Variants in MAP3K13 observed in about 807,000 individuals in gnomAD.
MAP3K13 encodes mitogen-activated protein kinase kinase kinase 13, also known as leucine zipper-bearing kinase.
In MAP3K13, 52 loss-of-function variants were observed where a neutral mutation model predicts 104.0. The observed-to-expected ratio is 0.50, with a 90% CI of 0.40 to 0.63. MAP3K13 has a LOEUF of 0.63. MAP3K13 is among the 20% of genes least tolerant of loss of function. The pLI, the probability that MAP3K13 is intolerant of heterozygous loss-of-function variation, is 0.00. For synonymous variants in MAP3K13, 394 were observed against 442.2 expected, an observed-to-expected ratio of 0.89 and a Z score of 1.37; for missense variants, 914 against 1,218.5, an observed-to-expected ratio of 0.75 and a Z score of 3.72.
intron 2 of MAP3K13, among the ~76,000 whole-genome samples, chr3:185,311,017 T>G (rs1351563363): frequency 2.6e-5 from 4 of 152,232 alleles, no homozygotes; most frequent in African/African-American, 7.2e-5. Context: ...TCACTTTGAA[T>G]TAAGCTATTT....
At chr3:185,405,969 CG>C (rs2108781267) in intron 1 of MAP3K13, among the ~76,000 whole-genome samples, 1 of 152,280 alleles carries the variant, frequency 6.6e-6, no homozygotes, top group South Asian at 2.1e-4. Context: ...AGCTAGTTGA[CG>C]TCAGTTGATC....
At chr3:185,478,051 C>T (rs186626218) in intron 12 of MAP3K13, among the ~76,000 whole-genome samples, 5 of 152,230 alleles carry the variant, frequency 3.3e-5, no homozygotes, top group East Asian at 1.9e-4. Flanking sequence ...GAGCTTCAAC[C>T]GATGGATTTG....
At chr3:185,287,758 G>A (rs1720576596) in intron 2 of MAP3K13, among the ~76,000 whole-genome samples, 1 of 152,134 alleles carries the variant, frequency 6.6e-6, no homozygotes, top group Non-Finnish European at 1.5e-5. Context: ...TAGAATAAAA[G>A]AAGTTATAGG....
intron 2 of MAP3K13, among the ~76,000 whole-genome samples, chr3:185,288,904 A>G (rs1458698126): frequency 1.3e-5 from 2 of 152,156 alleles, no homozygotes; most frequent in Non-Finnish European, 2.9e-5. Context: ...TAGCATTCCA[A>G]TTGTTTATGA....
At chr3:185,424,362 T>C (rs975057670) in intron 1 of MAP3K13, among the ~76,000 whole-genome samples, 2 of 152,196 alleles carry the variant, frequency 1.3e-5, no homozygotes, top group Non-Finnish European at 2.9e-5. Flanking sequence ...AAATGTTCCA[T>C]CGTGTTGTAA....
rs61652944 is a variant in MAP3K13, at chr3:185,445,001, A to T, written c.851+1365A>T. Among the ~76,000 whole-genome samples, 1,337 of 141,650 alleles carry T rather than the reference A, an allele frequency of 9.4e-3. 30 individuals are homozygous for T. Among genetic ancestry groups the T allele is most frequent in the African/African-American group, 0.032 (1,246 of 39,262 alleles). 92.9% of individuals were successfully genotyped at this position (141,650 alleles called of 152,430 possible). On this transcript the variant is annotated intron_variant, in intron 4 of 13. Coordinates refer to ENST00000265026, the MANE Select transcript of MAP3K13 (RefSeq NM_004721.5). ...CTGTCTCAAAAAATAATAAAAATTT[A>T]AAAAAACTATATATTTATTGTATAT...
At chr3:185,479,021 T>G (rs1718298026) in intron 12 of MAP3K13, among the ~76,000 whole-genome samples, 1 of 152,184 alleles carries the variant, frequency 6.6e-6, no homozygotes, top group Non-Finnish European at 1.5e-5. Flanking sequence ...ACATCCTTAT[T>G]TACTAAGCTG....
chr3:185,466,516 A>G (rs913621399), intron 9 of MAP3K13, among the ~76,000 whole-genome samples: 2 of 151,726 alleles, frequency 1.3e-5, no homozygotes, highest in African/African-American at 4.8e-5. Flanking sequence ...AGCTGAGACT[A>G]CAGGTGCATG....
intron 1 of MAP3K13, among the ~76,000 whole-genome samples, chr3:185,425,912 C>T (rs999480975): frequency 3.9e-5 from 6 of 152,110 alleles, no homozygotes; most frequent in African/African-American, 1.4e-4. Flanking sequence ...AACTATGTGG[C>T]CGTTATCTAT....
intron 2 of MAP3K13, among the ~76,000 whole-genome samples, chr3:185,310,440 T>C (rs1473321302): frequency 2.0e-5 from 3 of 152,210 alleles, no homozygotes; most frequent in African/African-American, 4.8e-5. Flanking sequence ...ACTCAGATGT[T>C]GGAAATACCA....
At chr3:185,438,723 C>T (rs1363857208) in intron 3 of MAP3K13, among the ~76,000 whole-genome samples, 1 of 152,202 alleles carries the variant, frequency 6.6e-6, no homozygotes, top group Non-Finnish European at 1.5e-5. Context: ...CTGCCTGAAT[C>T]TTTCCCTTGA....
At position 185,423,135 on chromosome 3, in the gene MAP3K13, G is replaced by T. The variant is rs1714228707; in HGVS notation, c.-85-5362G>T. 6.6e-6 allele frequency among the ~76,000 whole-genome samples: 1 copy of T among 152,188 alleles called. No individual in the cohort carries two copies. Among genetic ancestry groups the T allele is most frequent in the South Asian group, 2.1e-4 (1 of 4,822 alleles). Reference sequence around the variant, plus strand: ...GGGCTCCCACTGATTCTACATTATAGTGAGTTGTAGAATTACTTCATTATG... The same window carrying T: ...GGGCTCCCACTGATTCTACATTATATTGAGTTGTAGAATTACTTCATTATG... On this transcript the variant is annotated intron_variant, in intron 1 of 13. Coordinates refer to ENST00000265026, the MANE Select transcript of MAP3K13 (RefSeq NM_004721.5). This position sits in a 1 kb window ranked among gnomAD's most constrained non-coding sequence, Gnocchi z 4.1.
At position 185,472,308 on chromosome 3, in the gene MAP3K13, G is replaced by C. The variant is rs557107345; in HGVS notation, c.1644-667G>C. Among the ~76,000 whole-genome samples, 4 of 151,078 alleles carry C rather than the reference G, an allele frequency of 2.6e-5. No individual in the cohort carries two copies. In the East Asian group the frequency reaches 7.8e-4, roughly 29 times the overall value. On this transcript the variant is annotated intron_variant, in intron 10 of 13. Transcript: ENST00000265026. ...GCTCACTGCAACCTCCGCCTCCCAG[G>C]TTCAAGCGATTCTCCTGCCTCAGCC...
intron 1 of MAP3K13, among the ~76,000 whole-genome samples, chr3:185,284,966 G>A (rs574587628): frequency 6.6e-6 from 1 of 151,974 alleles, no homozygotes; most frequent in East Asian, 1.9e-4. Flanking sequence ...TAGCAGCTCT[G>A]GTTTCAGAAT....
chr3:185,379,509 G>A (rs1724601895), intron 1 of MAP3K13, among the ~76,000 whole-genome samples: 1 of 152,272 alleles, frequency 6.6e-6, no homozygotes, highest in South Asian at 2.1e-4. Context: ...CTGAGGACCC[G>A]AGGTTGTAGG....
At chr3:185,301,487 C>T (rs558584474) in intron 2 of MAP3K13, among the ~76,000 whole-genome samples, 1 of 152,266 alleles carries the variant, frequency 6.6e-6, no homozygotes, top group South Asian at 2.1e-4. Context: ...AATTTTTGCA[C>T]TTGTTGCCTG....
At chr3:185,454,987 A>T (rs866318812) in intron 7 of MAP3K13, among the ~76,000 whole-genome samples, 1 of 50,938 alleles carries the variant, frequency 2.0e-5, no homozygotes, top group African/African-American at 4.8e-5. Context: ...GATATATATG[A>T]GATATATATG....
intron 1 of MAP3K13, among the ~76,000 whole-genome samples, chr3:185,399,885 AT>A (rs2108776366): frequency 6.6e-6 from 1 of 151,974 alleles, no homozygotes; most frequent in East Asian, 1.9e-4. Context: ...TCCTGCCTCA[AT>A]TAGTGGTAGC....
chr3:185,323,884 A>G (rs1248752109), intron 2 of MAP3K13, among the ~76,000 whole-genome samples: 2 of 152,218 alleles, frequency 1.3e-5, no homozygotes, highest in Non-Finnish European at 2.9e-5. Context: ...CCAACATTGT[A>G]TCTTATGAAA....
Sources: gnomAD v4.1 joint callset for allele counts (sites outside exome capture counted in the v4.1 genomes callset) on GRCh38, gnomAD v4.1.1 for gene constraint, Gnocchi (gnomAD v3.1) non-coding constraint, MANE v1.5 for transcripts, NCBI Gene and HGNC (gene_info 2026-07-23, HGNC 2026-07-21) for gene names.